SLTM: variants seen among roughly 807,000 people sequenced by gnomAD.
The protein encoded by SLTM is SAFB-like transcription modulator.
In SLTM, 43 loss-of-function variants were observed where a neutral mutation model predicts 134.6. That is an observed-to-expected ratio of 0.32 (90% CI 0.25 to 0.41). SLTM has a LOEUF of 0.41. Ranked by LOEUF, SLTM falls within the 10% of genes least tolerant of loss-of-function variation. The probability of loss-of-function intolerance (pLI) is 1.00; values close to 1 mark genes in which losing one functional copy is unlikely to be tolerated. For synonymous variants in SLTM, 424 were observed against 432.3 expected (o/e 0.98, Z 0.24); for missense variants, 1,055 against 1,288.8 (o/e 0.82, Z 2.78).
At position 58,899,024 on chromosome 15, in the gene SLTM, G is replaced by A. The variant is rs540173129; in HGVS notation, c.1059-172C>T. 1 of 530,544 alleles carries A rather than the reference G, an allele frequency of 1.9e-6. No individual in the cohort carries two copies. The highest frequency in any genetic ancestry group is 3.3e-5 in the East Asian group (1 of 30,266). The allele number at this position is 530,544 out of a possible 1,614,324, so 32.9% of individuals were successfully genotyped here. ...ATGACTCCCTGAGGATTCTTGCACT[G>A]ATTTTCCCCAAGATGCCTGAAGATC... On this transcript the variant is annotated intron_variant, in intron 7 of 20. Transcript: ENST00000380516. This position sits in a 1 kb window ranked among gnomAD's most constrained non-coding sequence, Gnocchi z 5.0.
intron 12 of SLTM, among the ~76,000 whole-genome samples, 167 bp downstream of exon 12, chr15:58,893,654 C>T (rs2034842443): frequency 6.6e-6 from 1 of 152,042 alleles, no homozygotes; most frequent in Non-Finnish European, 1.5e-5. Flanking sequence ...TGTTTGTTTC[C>T]CCAGAGTAGA....
intron 16 of SLTM, 28 bp from the exon 17 acceptor site, chr15:58,888,583 A>G: frequency 6.2e-7 from 1 of 1,610,902 alleles, no homozygotes. Context: ...GCTTATTTAC[A>G]TAAATTAGTT....
chr15:58,918,640 T>C (rs1397344516), intron 2 of SLTM, among the ~76,000 whole-genome samples: 1 of 152,246 alleles, frequency 6.6e-6, no homozygotes, highest in Admixed American at 6.5e-5. Context: ...ATTTACAATG[T>C]TGACGTTTGC....
chr15:58,918,915 CT>C (rs566389959), intron 2 of SLTM, among the ~76,000 whole-genome samples: 248 of 144,796 alleles, frequency 1.7e-3, no homozygotes, highest in Admixed American at 1.7e-3. Flanking sequence ...CTACTAAATT[CT>C]TTTTTTTTTT....
chr15:58,903,184 C>G (rs1344710755), intron 5 of SLTM, among the ~76,000 whole-genome samples: 1 of 152,042 alleles, frequency 6.6e-6, no homozygotes, highest in Non-Finnish European at 1.5e-5. Flanking sequence ...ACAAGCTGAG[C>G]CACCGTACAC....
chr15:58,900,936 T>TG (rs2035444752), intron 6 of SLTM: 1 of 259,458 alleles, frequency 3.9e-6, no homozygotes, highest in Admixed American at 5.4e-5. Flanking sequence ...CATGAGTTAC[T>TG]GCAGTGTCAG....
intron 2 of SLTM, among the ~76,000 whole-genome samples, chr15:58,922,163 G>T (rs2141193575): frequency 6.6e-6 from 1 of 151,748 alleles, no homozygotes; most frequent in East Asian, 1.9e-4. Context: ...ACCACTTGAG[G>T]TCAGGAGTGT....
At chr15:58,922,085 C>G (rs1480022469) in intron 2 of SLTM, among the ~76,000 whole-genome samples, 1 of 151,810 alleles carries the variant, frequency 6.6e-6, no homozygotes, top group Non-Finnish European at 1.5e-5. Flanking sequence ...TTTTAAAAAG[C>G]TATAATGTTG....
At chr15:58,913,351 T>C (rs2036413445) in intron 4 of SLTM, 148 bp downstream of exon 4, 2 of 563,026 alleles carry the variant, frequency 3.6e-6, no homozygotes, top group East Asian at 6.2e-5. Flanking sequence ...TTGCCTAAGG[T>C]GGTAGGATTT....
At chr15:58,924,245 T>C (rs190528130) in intron 2 of SLTM, among the ~76,000 whole-genome samples, 11 of 152,314 alleles carry the variant, frequency 7.2e-5, no homozygotes, top group Admixed American at 2.0e-4. Flanking sequence ...AGTAGTAACA[T>C]AGCTATTTTG....
intron 5 of SLTM, among the ~76,000 whole-genome samples, chr15:58,906,736 T>A (rs1241755187): frequency 6.6e-6 from 1 of 152,208 alleles, no homozygotes; most frequent in Admixed American, 6.5e-5. Flanking sequence ...TACAAAATGC[T>A]TGGCACATAA....
intron 2 of SLTM, among the ~76,000 whole-genome samples, chr15:58,925,939 T>C (rs538628928): frequency 6.6e-6 from 1 of 152,302 alleles, no homozygotes; most frequent in Non-Finnish European, 1.5e-5. Context: ...TTCCGAAAAC[T>C]GAAAAGTATA....
intron 9 of SLTM, among the ~76,000 whole-genome samples, chr15:58,896,219 C>T (rs1176928867): frequency 6.6e-6 from 1 of 152,052 alleles, no homozygotes; most frequent in African/African-American, 2.4e-5. Context: ...CTTTTTAACA[C>T]CTGTGTACTT....
chr15:58,913,120 G>A (rs1028239395), intron 4 of SLTM, among the ~76,000 whole-genome samples: 26 of 152,268 alleles, frequency 1.7e-4, no homozygotes, highest in African/African-American at 6.0e-4. Context: ...ATGCCAGAAT[G>A]AAATTGGTAC....
chr15:58,886,884 C>T, intron 19 of SLTM, 91 bp downstream of exon 19: 2 of 1,474,420 alleles, frequency 1.4e-6, no homozygotes, highest in Non-Finnish European at 9.3e-7. Flanking sequence ...TAATCTAAGC[C>T]ACATCAAAAT....
intron 5 of SLTM, among the ~76,000 whole-genome samples, chr15:58,911,674 T>C (rs537596734): frequency 1.1e-4 from 17 of 152,350 alleles, no homozygotes; most frequent in Middle Eastern, 6.8e-3. Flanking sequence ...GGATAATTTT[T>C]ATGTAGAAAC....
chr15:58,915,059 G>T (rs533715744), intron 3 of SLTM, among the ~76,000 whole-genome samples: 3 of 151,970 alleles, frequency 2.0e-5, no homozygotes, highest in Non-Finnish European at 2.9e-5. Context: ...GGCCTGGTGC[G>T]GTAAGCCGGT....
At chr15:58,929,463 A>G (rs2037716782) in intron 2 of SLTM, among the ~76,000 whole-genome samples, 1 of 152,224 alleles carries the variant, frequency 6.6e-6, no homozygotes, top group African/African-American at 2.4e-5. Context: ...AAAAGAAAAG[A>G]AAAGAAAAAC....
At chr15:58,888,591 G>T in intron 16 of SLTM, 36 bp from the exon 17 acceptor site, 1 of 1,604,568 alleles carries the variant, frequency 6.2e-7, no homozygotes, top group Non-Finnish European at 8.5e-7. Context: ...ACATAAATTA[G>T]TTCTACAGTA....
Sources: allele counts gnomAD v4.1 joint callset (sites outside exome capture counted in the v4.1 genomes callset), GRCh38; gene constraint gnomAD v4.1.1; non-coding constraint Gnocchi (gnomAD v3.1); transcripts MANE v1.5; gene names NCBI Gene and HGNC (gene_info 2026-07-23, HGNC 2026-07-21).